The following UBALD1 variants were observed in gnomAD, a reference collection of about 807,000 sequenced individuals.
The protein encoded by UBALD1 is UBA like domain containing 1.
Under a neutral mutation model 16.1 loss-of-function variants are expected in UBALD1, and 5 were observed. The ratio of observed to expected loss-of-function variants is 0.31; its 90% CI spans 0.16 to 0.66. The LOEUF (loss-of-function observed/expected upper bound fraction) is 0.66, where lower values mean the gene tolerates loss of function less well. Ranked by LOEUF, UBALD1 falls within the 30% of genes least tolerant of loss-of-function variation. The pLI, the probability that UBALD1 is intolerant of heterozygous loss-of-function variation, is 0.77. For missense variants in UBALD1, 220 were observed against 252.8 expected (o/e 0.87, Z 0.88); for synonymous variants, 146 against 105.3 (o/e 1.39, Z -2.37).
Position 4,609,675 on chromosome 16 carries a change from G to A in UBALD1, c.492C>T (p.Thr164=). Residue 164 remains threonine, a synonymous_variant, in exon 3 of 3, where the codon ACC becomes ACT. Coordinates refer to ENST00000283474, the MANE Select transcript of UBALD1 (RefSeq NM_145253.3). The part of the protein sequence containing the change: ...DWPPLAPQQA[T]SEPRAHPAME... The stretch of plus-strand genomic sequence containing the variant: ...TGGCAGGGTGGGCCCTGGGTTCTGA[G>A]GTGGCCTGTTGGGGGGCCAGGGGTG... 6.8e-7 allele frequency: 1 copy of A among 1,468,558 alleles called. No homozygotes were observed. Among genetic ancestry groups the A allele is most frequent in the Non-Finnish European group, 9.0e-7 (1 of 1,111,880 alleles). The allele number at this position is 1,468,558 out of a possible 1,614,324, so 91.0% of individuals were successfully genotyped here. A position where few individuals can be genotyped will look rare whatever the true frequency, so the allele number is the denominator to read the frequency against.
chr16:4,614,327 G>A, intron 1 of UBALD1: 1 of 365,700 alleles, frequency 2.7e-6, no homozygotes, highest in Non-Finnish European at 4.9e-6. Flanking sequence ...GAGGCCTGGG[G>A]CGTCCTCCTT....
chr16:4,609,461 G>A lies in UBALD1; in HGVS notation c.*172C>T, dbSNP rs937621195. ...GGGGCCATGACCTTGCGTGTGGGCA[G>A]CTGCGTGTTCTGGCACCAGACGTGT... On this transcript the variant is annotated 3_prime_UTR_variant, in exon 3 of 3. Coordinates refer to ENST00000283474, the MANE Select transcript of UBALD1 (RefSeq NM_145253.3). The A allele has an allele frequency of 9.8e-6, 4 of 409,976 alleles. No individual in the cohort carries two copies. The highest frequency in any genetic ancestry group is 8.2e-5 in the African/African-American group (4 of 48,702). 25.4% of individuals were successfully genotyped at this position (409,976 alleles called of 1,614,324 possible).
chr16:4,612,037 G>A (rs548165330), intron 1 of UBALD1, among the ~76,000 whole-genome samples: 19 of 151,694 alleles, frequency 1.3e-4, no homozygotes, highest in African/African-American at 4.1e-4. Flanking sequence ...CCCTCGATCA[G>A]GGGGTATGGG....
At position 4,609,452 on chromosome 16, in the gene UBALD1, G is replaced by C. The variant is rs984331975; in HGVS notation, c.*181C>G. ...GGGGCCGCTGGGGCCATGACCTTGC[G>C]TGTGGGCAGCTGCGTGTTCTGGCAC... is the stretch of plus-strand genomic sequence containing the variant. On this transcript the variant is annotated 3_prime_UTR_variant, in exon 3 of 3. Coordinates refer to ENST00000283474, the MANE Select transcript of UBALD1 (RefSeq NM_145253.3). The C allele has an allele frequency of 2.5e-6, 1 of 405,686 alleles. No individual in the cohort carries two copies. The highest frequency in any genetic ancestry group is 4.3e-5 in the Admixed American group (1 of 23,442). 25.1% of individuals were successfully genotyped at this position (405,686 alleles called of 1,614,324 possible). A position where few individuals can be genotyped will look rare whatever the true frequency, so the allele number is the denominator to read the frequency against.
intron 2 of UBALD1, chr16:4,610,249 G>T (rs984666646): frequency 4.2e-6 from 3 of 712,460 alleles, no homozygotes; most frequent in African/African-American, 1.7e-5. Context: ...CATCCCCGGG[G>T]GCTGTAGGGT....
intron 1 of UBALD1, 74 bp from the exon 2 acceptor site, chr16:4,610,629 T>C: frequency 6.6e-7 from 1 of 1,515,306 alleles, no homozygotes; most frequent in Non-Finnish European, 9.0e-7. Flanking sequence ...CCCAGGCTCC[T>C]CTGAGGCTGG....
At chr16:4,613,115 T>C (rs968483633) in intron 1 of UBALD1, among the ~76,000 whole-genome samples, 8 of 152,098 alleles carry the variant, frequency 5.3e-5, no homozygotes, top group African/African-American at 1.9e-4. Context: ...GAGGGAACCC[T>C]GCGTGCAGAT....
chr16:4,613,126 G>A (rs2141786687), intron 1 of UBALD1, among the ~76,000 whole-genome samples: 1 of 152,270 alleles, frequency 6.6e-6, no homozygotes, highest in South Asian at 2.1e-4. Context: ...GCGTGCAGAT[G>A]TGTAACTGCC....
At position 4,609,564 on chromosome 16, in the gene UBALD1, G is replaced by C; in HGVS notation, c.*69C>G. On this transcript the variant is annotated 3_prime_UTR_variant, in exon 3 of 3. Transcript: ENST00000283474. ...GGTGCAGACAGAAAAGGGGTGAAGG[G>C]GGCCCGCAGAGACGTCCTCTCCCCC... is the stretch of plus-strand genomic sequence containing the variant. The C allele has an allele frequency of 1.5e-6, 1 of 659,880 alleles. No homozygotes were observed. The allele number at this position is 659,880 out of a possible 1,614,324, so 40.9% of individuals were successfully genotyped here.
At chr16:4,614,275 C>G (rs551109519) in intron 1 of UBALD1, 1 of 354,800 alleles carries the variant, frequency 2.8e-6, no homozygotes, top group Non-Finnish European at 5.1e-6. Context: ...GACCCTCGGA[C>G]CACTCGCCCG....
At chr16:4,614,476 G>A (rs1045999085) in intron 1 of UBALD1, 2 of 816,446 alleles carry the variant, frequency 2.4e-6, no homozygotes, top group South Asian at 2.8e-5. Context: ...ATCCCCGACC[G>A]GTGGCCCGGT....
At chr16:4,614,333 T>G (rs1897395329) in intron 1 of UBALD1, 1 of 365,900 alleles carries the variant, frequency 2.7e-6, no homozygotes, top group Admixed American at 4.7e-5. Context: ...TGGGGCGTCC[T>G]CCTTCCGGCC....
Position 4,609,566 on chromosome 16 carries a change from G to A in UBALD1, c.*67C>T, listed in dbSNP as rs1018763770. On this transcript the variant is annotated 3_prime_UTR_variant, in exon 3 of 3. Coordinates refer to ENST00000283474, the MANE Select transcript of UBALD1 (RefSeq NM_145253.3). The stretch of plus-strand genomic sequence containing the variant: ...TGCAGACAGAAAAGGGGTGAAGGGG[G>A]CCCGCAGAGACGTCCTCTCCCCCGC... 14 of 673,792 alleles carry A rather than the reference G, an allele frequency of 2.1e-5. No individual in the cohort carries two copies. The highest frequency in any genetic ancestry group is 1.3e-4 in the African/African-American group (7 of 53,886). The allele number at this position is 673,792 out of a possible 1,614,324, so 41.7% of individuals were successfully genotyped here.
At position 4,614,735 on chromosome 16, in the gene UBALD1, C is replaced by T. The variant is rs761019905; in HGVS notation, c.63G>A (p.Ala21=). The change falls in exon 1 of 3, where the codon GCG becomes GCA. Residue 21 remains alanine, a synonymous_variant. Coordinates refer to ENST00000283474, the MANE Select transcript of UBALD1 (RefSeq NM_145253.3). ...QVMINQFVLT[A]GCAADQAKQL... is the part of the protein sequence containing the mutation. ...GCTTCGCCTGGTCGGCCGCGCAGCC[C>T]GCCGTCAGCACGAACTGGTTGATCA... is the stretch of plus-strand genomic sequence containing the variant. 4 of 1,560,430 alleles carry T rather than the reference C, an allele frequency of 2.6e-6. No homozygotes were observed. The highest frequency in any genetic ancestry group is 3.5e-6 in the Non-Finnish European group (4 of 1,156,036).
At position 4,609,368 on chromosome 16, in the gene UBALD1, G is replaced by A. The variant is rs544275858; in HGVS notation, c.*265C>T. 5 of 362,960 alleles carry A rather than the reference G, an allele frequency of 1.4e-5. No individual in the cohort carries two copies. The Admixed American group carries it at 1.4e-4, about 10-fold the overall frequency. 22.5% of individuals were successfully genotyped at this position (362,960 alleles called of 1,614,324 possible). ...AGGTGCGTCTTCGAAGGAAGGCTGC[G>A]TGGTCTCTGAAGTTCTGTCCGCCAG... On this transcript the variant is annotated 3_prime_UTR_variant, in exon 3 of 3. Transcript: ENST00000283474.
intron 1 of UBALD1, among the ~76,000 whole-genome samples, chr16:4,613,769 G>C (rs1335692624): frequency 6.6e-6 from 1 of 152,202 alleles, no homozygotes. Flanking sequence ...CAAGCCAGGA[G>C]CACTACTGTC....
chr16:4,613,991 T>G (rs2141787771), intron 1 of UBALD1: 1 of 152,666 alleles, frequency 6.6e-6, no homozygotes, highest in South Asian at 2.1e-4. Flanking sequence ...ATCCCTGTGG[T>G]GTAGTGTGGG....
At chr16:4,610,421 GGCT>G in intron 2 of UBALD1, 69 bp downstream of exon 2, 1 of 1,501,944 alleles carries the variant, frequency 6.7e-7, no homozygotes. Flanking sequence ...CGGGGCCAGG[GGCT>G]GCTTATACAC....
At chr16:4,611,545 A>C (rs1897357928) in intron 1 of UBALD1, 1 of 152,620 alleles carries the variant, frequency 6.6e-6, no homozygotes, top group South Asian at 2.1e-4. Context: ...ACAGGCAGGG[A>C]CTGCTGTCTT....
Sources: allele counts gnomAD v4.1 joint callset (sites outside exome capture counted in the v4.1 genomes callset), GRCh38; gene constraint gnomAD v4.1.1; transcripts MANE v1.5; gene names NCBI Gene and HGNC (gene_info 2026-07-23, HGNC 2026-07-21).